The following ESRRB variants were observed in gnomAD, a reference collection of about 807,000 sequenced individuals.
ESRRB encodes the protein estrogen related receptor beta.
ESRRB carries 16 observed loss-of-function variants against 46.0 expected under a neutral mutation model. The ratio of observed to expected loss-of-function variants is 0.35; its 90% CI spans 0.24 to 0.53. The LOEUF is 0.53. Ranked by LOEUF, ESRRB falls within the 20% of genes least tolerant of loss-of-function variation. ESRRB has a pLI of 0.93. For missense variants in ESRRB, 488 were observed against 607.4 expected (o/e 0.80, Z 2.07); for synonymous variants, 246 against 259.6 (o/e 0.95, Z 0.50).
intron 1 of ESRRB, among the ~76,000 whole-genome samples, chr14:76,321,939 C>T (rs1883872928): frequency 6.6e-6 from 1 of 151,936 alleles, no homozygotes. Context: ...AACTGAGGCT[C>T]TGAGGTTAAG....
At chr14:76,466,790 C>G (rs1889131034) in intron 3 of ESRRB, among the ~76,000 whole-genome samples, 1 of 151,864 alleles carries the variant, frequency 6.6e-6, no homozygotes, top group South Asian at 2.1e-4. Flanking sequence ...GTGGCGCGAT[C>G]TAGGCTCACC....
intron 1 of ESRRB, among the ~76,000 whole-genome samples, chr14:76,340,738 G>A (rs1157356496): frequency 6.6e-6 from 1 of 152,192 alleles, no homozygotes; most frequent in African/African-American, 2.4e-5. Flanking sequence ...GCTTAGCTGT[G>A]TTGACAAACC....
At chr14:76,435,511 C>T (rs1315667472) in intron 1 of ESRRB, among the ~76,000 whole-genome samples, 1 of 152,192 alleles carries the variant, frequency 6.6e-6, no homozygotes, top group African/African-American at 2.4e-5. Flanking sequence ...CTAGAAAAGG[C>T]ATGCTGAGGA....
chr14:76,416,162 T>A (rs1414933457), intron 1 of ESRRB, among the ~76,000 whole-genome samples: 1 of 144,082 alleles, frequency 6.9e-6, no homozygotes, highest in African/African-American at 2.7e-5. Flanking sequence ...TGAGACATGG[T>A]CTTGGCTCTG....
Position 76,481,539 on chromosome 14 carries a change from G to C in ESRRB, c.578-477G>C, listed in dbSNP as rs144022170. Among the ~76,000 whole-genome samples, 302 of 152,300 alleles carry C rather than the reference G, an allele frequency of 2.0e-3. 3 individuals are homozygous for C. Among genetic ancestry groups the C allele is most frequent in the African/African-American group, 7.1e-3 (295 of 41,570 alleles). On this transcript the variant is annotated intron_variant, in intron 3 of 6. Transcript: ENST00000644823. ...TTTATGCTAGAACCTCAGAGAGTGG[G>C]GTCTAGAAATTGACATTTGTAATGA...
chr14:76,400,426 G>A (rs888057964), intron 1 of ESRRB, among the ~76,000 whole-genome samples: 2 of 152,188 alleles, frequency 1.3e-5, no homozygotes, highest in African/African-American at 2.4e-5. Flanking sequence ...GACAAGAGCC[G>A]GAAGCCTTCC....
intron 1 of ESRRB, among the ~76,000 whole-genome samples, chr14:76,342,630 A>C (rs902151240): frequency 6.6e-6 from 1 of 152,108 alleles, no homozygotes; most frequent in African/African-American, 2.4e-5. Context: ...GGAGCCAAAG[A>C]CTTCTGGTTT....
chr14:76,500,823 AGT>A lies in ESRRB; in HGVS notation c.*2367_*2368del. 1.5e-6 allele frequency: 2 copies of A among 1,318,238 alleles called. No individual in the cohort carries two copies. The highest frequency in any genetic ancestry group is 2.2e-6 in the Non-Finnish European group (2 of 910,686). The allele number at this position is 1,318,238 out of a possible 1,614,324, so 81.7% of individuals were successfully genotyped here. A position where few individuals can be genotyped will look rare whatever the true frequency, so the allele number is the denominator to read the frequency against. On this transcript the variant is annotated 3_prime_UTR_variant, in exon 7 of 7. Coordinates refer to ENST00000644823, the MANE Select transcript of ESRRB (RefSeq NM_001379180.1). Reference sequence around the variant, plus strand: ...CCTCACTTCAGAGCCCCTCTAGCAGAGTGGGGCGGAAGTCCTGATGGTTGGTG... The same window carrying A: ...CCTCACTTCAGAGCCCCTCTAGCAGAGGGGCGGAAGTCCTGATGGTTGGTG...
At chr14:76,456,949 T>C (rs143028750) in intron 2 of ESRRB, among the ~76,000 whole-genome samples, 2 of 152,242 alleles carry the variant, frequency 1.3e-5, no homozygotes, top group Non-Finnish European at 2.9e-5. Context: ...ACCAGCTGAA[T>C]AGAGTGGTAC....
chr14:76,495,315 C>T (rs1217717477), intron 6 of ESRRB: 1 of 152,080 alleles, frequency 6.6e-6, no homozygotes, highest in Non-Finnish European at 1.5e-5. Flanking sequence ...CTTGCCCCAG[C>T]AACATGTAGA....
At chr14:76,450,569 A>G (rs1888343610) in intron 2 of ESRRB, among the ~76,000 whole-genome samples, 1 of 150,314 alleles carries the variant, frequency 6.7e-6, no homozygotes, top group South Asian at 2.1e-4. Flanking sequence ...AGGAACAAGT[A>G]AGAAAGAGGC....
intron 1 of ESRRB, among the ~76,000 whole-genome samples, chr14:76,403,186 C>T (rs768893544): frequency 6.6e-6 from 1 of 152,192 alleles, no homozygotes; most frequent in East Asian, 1.9e-4. Flanking sequence ...TCTTTTCAAC[C>T]ACTTTTTGCA....
intron 1 of ESRRB, among the ~76,000 whole-genome samples, chr14:76,352,842 C>G (rs1884330085): frequency 6.6e-6 from 1 of 152,246 alleles, no homozygotes; most frequent in African/African-American, 2.4e-5. Context: ...TCTCTCCCCT[C>G]TTTCCCTCCG....
rs189221069 is a variant in ESRRB at position 76,315,737 on chromosome 14, C to A, written c.2+4821C>A. The stretch of plus-strand genomic sequence containing the variant: ...ATATTTTTCCTGAAAGTTGGCCATG[C>A]AGAGCTCTGTGTCAGCAAGACATGC... On this transcript the variant is annotated intron_variant, in intron 1 of 6. Coordinates refer to the ESRRB transcript ENST00000512784. Among the ~76,000 whole-genome samples the A allele has an allele frequency of 1.2e-3, 184 of 152,286 alleles. 1 individual carries two copies. The highest frequency in any genetic ancestry group is 4.3e-3 in the African/African-American group (179 of 41,570).
intron 1 of ESRRB, among the ~76,000 whole-genome samples, chr14:76,424,132 T>G (rs756152215): frequency 2.0e-5 from 3 of 152,200 alleles, no homozygotes; most frequent in Non-Finnish European, 4.4e-5. Context: ...GAAATGATAG[T>G]ACTTCAACTA....
chr14:76,392,129 G>A (rs1006106289), intron 1 of ESRRB, among the ~76,000 whole-genome samples: 3 of 152,222 alleles, frequency 2.0e-5, no homozygotes, highest in Non-Finnish European at 4.4e-5. Context: ...AGGCCCCGGG[G>A]CAGGGAGGGG....
chr14:76,494,978 C>T (rs554052826), intron 6 of ESRRB, among the ~76,000 whole-genome samples: 3 of 152,336 alleles, frequency 2.0e-5, no homozygotes, highest in African/African-American at 7.2e-5. Context: ...CCACACCACA[C>T]CAGCTTTCAG....
intron 1 of ESRRB, among the ~76,000 whole-genome samples, chr14:76,384,818 G>C (rs1477553570): frequency 6.6e-6 from 1 of 152,162 alleles, no homozygotes; most frequent in African/African-American, 2.4e-5. Flanking sequence ...GAGAGGCAAA[G>C]TCATCTCTCC....
intron 1 of ESRRB, among the ~76,000 whole-genome samples, chr14:76,348,136 T>C (rs890864221): frequency 1.6e-4 from 25 of 152,174 alleles, no homozygotes; most frequent in Admixed American, 3.3e-4. Context: ...TGCACCAACC[T>C]AATAATTATT....
Sources: allele counts gnomAD v4.1 joint callset (sites outside exome capture counted in the v4.1 genomes callset), GRCh38; gene constraint gnomAD v4.1.1; transcripts MANE v1.5; gene names NCBI Gene and HGNC (gene_info 2026-07-23, HGNC 2026-07-21).